Variants in KIFC2 observed in about 807,000 individuals in gnomAD.
KIFC2 encodes kinesin-like protein KIFC2.
Under a neutral mutation model 91.5 loss-of-function variants are expected in KIFC2, and 94 were observed. That is an observed-to-expected ratio of 1.03 (90% confidence interval 0.87 to 1.22). The LOEUF is 1.22. KIFC2 is among the 50% of genes most tolerant of loss of function. The pLI is 0.00. For missense variants in KIFC2, 1,357 were observed against 1,103.3 expected, an observed-to-expected ratio of 1.23 and a Z score of -3.26; for synonymous variants, 729 against 503.9, an observed-to-expected ratio of 1.45 and a Z score of -5.98.
rs1179635474 is a variant in KIFC2 at position 144,467,054 on chromosome 8, C to A, written c.274C>A (p.Leu92Ile). 2 of 1,595,108 alleles carry A rather than the reference C, an allele frequency of 1.3e-6. No homozygotes were observed. The highest frequency in any genetic ancestry group is 8.5e-7 in the Non-Finnish European group (1 of 1,171,520). ...GGCCCTACTGCGCCTCGCCGAGTTC[C>A]TCTCCGTCCAGCTGGGGGCGGAAGA... ...EEALLRLAEF[L>I]SVQLGAEESC... is the part of the protein sequence containing the mutation. The change falls in exon 3 of 18, where the codon CTC (leucine) becomes ATC (isoleucine). Residue 92 changes from leucine to isoleucine, a missense_variant. Transcript: ENST00000645548.
chr8:144,467,574 C>T lies in KIFC2; in HGVS notation c.559C>T (p.Gln187Ter). Reference sequence around the variant, plus strand: ...TGAGACCCAGGGACAGCAGCCCCTCCAGTTGGAGGAGGATCAGAGGGCGTG... The same window carrying T: ...TGAGACCCAGGGACAGCAGCCCCTCTAGTTGGAGGAGGATCAGAGGGCGTG... ...GDETQGQQPL[Q>*]LEEDQRAWQR... is the part of the protein sequence containing the mutation. Residue 187 changes from glutamine (Q) to a stop codon, truncating the protein, a stop_gained, in exon 5 of 18, where the codon CAG becomes TAG. Transcript: ENST00000645548. LOFTEE classifies it high-confidence loss of function. The T allele has an allele frequency of 1.2e-6, 2 of 1,605,206 alleles. No homozygotes were observed. The highest frequency in any genetic ancestry group is 1.3e-5 in the African/African-American group (1 of 74,692).
intron 15 of KIFC2, 29 bp downstream of exon 15, chr8:144,472,513 G>T (rs192613604): frequency 6.2e-7 from 1 of 1,611,416 alleles, no homozygotes; most frequent in East Asian, 2.2e-5. Flanking sequence ...CCGAGACCCC[G>T]CCCCGTGCTT....
Position 144,473,014 on chromosome 8 carries a change from C to T in KIFC2, c.2081C>T (p.Ala694Val). 1 of 1,420,606 alleles carries T rather than the reference C, an allele frequency of 7.0e-7. No individual in the cohort carries two copies. The highest frequency in any genetic ancestry group is 9.1e-7 in the Non-Finnish European group (1 of 1,094,786). 88.0% of individuals were successfully genotyped at this position (1,420,606 alleles called of 1,614,324 possible). ...CAGCTCACGCGACTGCTGCAGCCGG[C>T]GCTGGGCCCAGGCACCACCGCGGTG... The part of the protein sequence containing the change: ...DSQLTRLLQP[A>V]LGPGTTAVLL... Residue 694 changes from alanine to valine, a missense_variant, in exon 17 of 18, where the codon GCG becomes GTG. Physicochemically the swap from Ala to Val is moderately conservative, Grantham distance 64 (BLOSUM62 0). Coordinates refer to ENST00000645548, the MANE Select transcript of KIFC2 (RefSeq NM_001369769.2).
chr8:144,472,546 C>G (rs1824972315), intron 15 of KIFC2, 31 bp from the exon 16 acceptor site: 2 of 1,612,074 alleles, frequency 1.2e-6, no homozygotes, highest in Non-Finnish European at 1.7e-6. Flanking sequence ...GGGGACCCTG[C>G]ACCTGACCAG....
chr8:144,468,927 T>A, intron 10 of KIFC2, 93 bp downstream of exon 10: 1 of 1,031,848 alleles, frequency 9.7e-7, no homozygotes, highest in South Asian at 1.4e-5. Flanking sequence ...GCTGTACTAA[T>A]AAGTGGGGCT....
intron 2 of KIFC2, 53 bp from the exon 3 acceptor site, chr8:144,466,906 C>T (rs1266764781): frequency 2.2e-5 from 35 of 1,559,514 alleles, no homozygotes; most frequent in African/African-American, 5.4e-5. Context: ...GGGCGGAGGC[C>T]TGGCTCAAGC....
Position 144,467,001 on chromosome 8 carries a change from G to A in KIFC2, c.221G>A (p.Gly74Asp). 1.3e-6 allele frequency: 2 copies of A among 1,596,662 alleles called. No individual in the cohort carries two copies. Among genetic ancestry groups the A allele is most frequent in the East Asian group, 2.2e-5 (1 of 44,498 alleles). The change falls in exon 3 of 18, where the codon GGC becomes GAC. Residue 74 changes from glycine to aspartate, a missense_variant. By Grantham distance (94) the Gly-to-Asp change is moderately conservative (BLOSUM62 -1). Transcript: ENST00000645548. The stretch of plus-strand genomic sequence containing the variant: ...GATGGGTCGGAAGGCGCAGCCGAGG[G>A]CCGCGCGGCCGCGGTGTCCCTGGAA... ...PEDGSEGAAEGRAAAVSLEEA... is the reference protein window; with the variant it reads ...PEDGSEGAAEDRAAAVSLEEA...
rs377432448 is a variant in KIFC2 at position 144,467,979 on chromosome 8, G to T, written c.802G>T (p.Ala268Ser). The change falls in exon 7 of 18, where the codon GCT (alanine) becomes TCT (serine). Residue 268 changes from alanine to serine, a missense_variant. Transcript: ENST00000645548. The part of the protein sequence containing the change: ...LHWGPGPPIR[A>S]PQEEAEALLE... Reference sequence around the variant, plus strand: ...CTGGGGCCCCGGGCCCCCCATCAGGGCTCCGCAGGTACTCTGCTCCCGAGC... The same window carrying T: ...CTGGGGCCCCGGGCCCCCCATCAGGTCTCCGCAGGTACTCTGCTCCCGAGC... The T allele has an allele frequency of 1.3e-6, 2 of 1,565,176 alleles. 1 individual carries two copies.
In KIFC2 at chr8:144,466,848, G is replaced by T. The variant is rs1207195804; in HGVS notation, c.178+10G>T. On this transcript the variant is annotated intron_variant, in intron 2 of 17. Transcript: ENST00000645548. Reference sequence around the variant, plus strand: ...CTGACCGGCCTGGCCGGTAGGTGCGGGCTGGGAGTCCCGCGGTGCGAGGGC... The same window carrying T: ...CTGACCGGCCTGGCCGGTAGGTGCGTGCTGGGAGTCCCGCGGTGCGAGGGC... 1 of 1,536,948 alleles carries T rather than the reference G, an allele frequency of 6.5e-7. No homozygotes were observed. Among genetic ancestry groups the T allele is most frequent in the Admixed American group, 1.9e-5 (1 of 51,430 alleles).
At position 144,473,849 on chromosome 8, in the gene KIFC2, G is replaced by T; in HGVS notation, c.*460G>T. On this transcript the variant is annotated 3_prime_UTR_variant, in exon 18 of 18. Coordinates refer to ENST00000645548, the MANE Select transcript of KIFC2 (RefSeq NM_001369769.2). ...GGTGCTACCTCCTTTCCAGACAGAT[G>T]AGAGAGGGCAGGACTTCAGGCTGGA... 1 of 374,274 alleles carries T rather than the reference G, an allele frequency of 2.7e-6. No homozygotes were observed. The highest frequency in any genetic ancestry group is 4.8e-6 in the Non-Finnish European group (1 of 207,142). The allele number at this position is 374,274 out of a possible 1,614,324, so 23.2% of individuals were successfully genotyped here.
At chr8:144,471,313 A>G (rs966594992) in intron 12 of KIFC2, among the ~76,000 whole-genome samples, 5 of 142,042 alleles carry the variant, frequency 3.5e-5, no homozygotes, top group Admixed American at 1.6e-4. Flanking sequence ...ATATATATGT[A>G]TATGTATTTT....
chr8:144,468,082 G>T (rs772955446), intron 7 of KIFC2, 95 bp downstream of exon 7: 9 of 1,420,366 alleles, frequency 6.3e-6, no homozygotes, highest in Middle Eastern at 2.5e-4. Context: ...AGGACCTCCC[G>T]GGATGGTCTG....
intron 5 of KIFC2, 42 bp downstream of exon 5, chr8:144,467,672 C>T (rs1824736933): frequency 6.2e-7 from 1 of 1,607,126 alleles, no homozygotes; most frequent in Non-Finnish European, 8.5e-7. Flanking sequence ...GCTGGGACGC[C>T]AGAAAAAGGA....
At position 144,466,986 on chromosome 8, in the gene KIFC2, A is replaced by C; in HGVS notation, c.206A>C (p.Glu69Ala). ...AGCTCCGAGCCTGAGGATGGGTCGG[A>C]AGGCGCAGCCGAGGGCCGCGCGGCC... ...AASSEPEDGS[E>A]GAAEGRAAAV... Residue 69 changes from glutamate (E) to alanine (A), a missense_variant, in exon 3 of 18, where the codon GAA becomes GCA. Transcript: ENST00000645548. 1 of 1,596,814 alleles carries C rather than the reference A, an allele frequency of 6.3e-7. No individual in the cohort carries two copies. Among genetic ancestry groups the C allele is most frequent in the African/African-American group, 1.3e-5 (1 of 74,776 alleles).
intron 12 of KIFC2, among the ~76,000 whole-genome samples, chr8:144,471,291 A>T (rs965754098): frequency 3.3e-5 from 5 of 151,018 alleles, no homozygotes; most frequent in African/African-American, 1.2e-4. Flanking sequence ...CATTTTTAAA[A>T]TTTTTTACTA....
rs1394931889 is a variant in KIFC2 at position 144,469,287 on chromosome 8, G to A, written c.1130G>A (p.Gly377Glu). 1 of 1,600,112 alleles carries A rather than the reference G, an allele frequency of 6.2e-7. No homozygotes were observed. The highest frequency in any genetic ancestry group is 8.5e-7 in the Non-Finnish European group (1 of 1,175,354). ...TTCCCTCAGGTGTCCTGGGCCTTGGGGGCACTGTCATCTGGAGGGCCTGGC... is the reference window on the plus strand; with the variant it reads ...TTCCCTCAGGTGTCCTGGGCCTTGGAGGCACTGTCATCTGGAGGGCCTGGC... ...EARGQVSWALGALSSGGPGTQ... is the reference protein window; with the variant it reads ...EARGQVSWALEALSSGGPGTQ... The change falls in exon 11 of 18, where the codon GGG (glycine) becomes GAG (glutamate). Residue 377 changes from glycine (G) to glutamate (E), a missense_variant. By Grantham distance (98) the Gly-to-Glu change is moderately conservative. Coordinates refer to ENST00000645548, the MANE Select transcript of KIFC2 (RefSeq NM_001369769.2).
At chr8:144,468,944 C>A in intron 10 of KIFC2, 110 bp downstream of exon 10, 1 of 837,904 alleles carries the variant, frequency 1.2e-6, no homozygotes, top group Non-Finnish European at 1.9e-6. Flanking sequence ...GGCTCTGGAA[C>A]CCAAACAGCT....
At position 144,468,604 on chromosome 8, in the gene KIFC2, G is replaced by A. The variant is rs1824792051; in HGVS notation, c.957G>A (p.Glu319=). 7 of 1,613,000 alleles carry A rather than the reference G, an allele frequency of 4.3e-6. No homozygotes were observed. Among genetic ancestry groups the A allele is most frequent in the African/African-American group, 1.3e-5 (1 of 74,912 alleles). Residue 319 remains glutamate, a synonymous_variant, in exon 9 of 18, where the codon GAG becomes GAA. Coordinates refer to ENST00000645548, the MANE Select transcript of KIFC2 (RefSeq NM_001369769.2). The stretch of plus-strand genomic sequence containing the variant: ...TCCAGCAGCTCCAGCAGGAGACGGA[G>A]CAGAACTGCAGGCGTGAGCTACAGC... ...GALQQLQQET[E]QNCRRELQQM... is the part of the protein sequence containing the mutation.
chr8:144,468,664 T>C lies in KIFC2; in HGVS notation c.1003+14T>C, dbSNP rs769218267. 4.3e-6 allele frequency: 7 copies of C among 1,613,056 alleles called. No homozygotes were observed. The South Asian group carries it at 5.5e-5, about 13-fold the overall frequency. On this transcript the variant is annotated intron_variant, in intron 9 of 17. Coordinates refer to ENST00000645548, the MANE Select transcript of KIFC2 (RefSeq NM_001369769.2). ...GGCAGCTGGCAGGTAAGGGTTGGGGTTGGGGCTCATGGGAGGCCCTGGAGG... is the reference window on the plus strand; with the variant it reads ...GGCAGCTGGCAGGTAAGGGTTGGGGCTGGGGCTCATGGGAGGCCCTGGAGG...
Sources: gnomAD v4.1 joint callset for allele counts (sites outside exome capture counted in the v4.1 genomes callset) on GRCh38, gnomAD v4.1.1 for gene constraint, MANE v1.5 for transcripts, NCBI Gene and HGNC (gene_info 2026-07-23, HGNC 2026-07-21) for gene names.